The following MAGI2 variants were observed in gnomAD, a reference collection of about 807,000 sequenced individuals.
MAGI2 encodes membrane-associated guanylate kinase, WW and PDZ domain-containing protein 2.
A neutral mutation model predicts 133.3 loss-of-function variants in MAGI2; 35 were observed. The observed-to-expected ratio is 0.26, with a 90% CI of 0.20 to 0.35. The LOEUF (loss-of-function observed/expected upper bound fraction) is 0.35, where lower values mean the gene tolerates loss of function less well. Ranked by LOEUF, MAGI2 falls within the 10% of genes least tolerant of loss-of-function variation. The pLI is 1.00. For synonymous variants in MAGI2, 729 were observed against 710.6 expected, an observed-to-expected ratio of 1.03 and a Z score of -0.41; for missense variants, 1,636 against 1,863.4, an observed-to-expected ratio of 0.88 and a Z score of 2.25.
chr7:78,559,573 T>C (rs1405659260), intron 3 of MAGI2, among the ~76,000 whole-genome samples: 1 of 152,142 alleles, frequency 6.6e-6, no homozygotes, highest in African/African-American at 2.4e-5. Flanking sequence ...CCCATGCCGA[T>C]GCTCGTGAGT....
At chr7:78,793,415 T>C (rs1483067090) in intron 2 of MAGI2, among the ~76,000 whole-genome samples, 2 of 152,190 alleles carry the variant, frequency 1.3e-5, no homozygotes, top group African/African-American at 2.4e-5. Flanking sequence ...GCTAAACATC[T>C]GACAATACAC....
chr7:78,965,993 C>T (rs1350545444), intron 2 of MAGI2, among the ~76,000 whole-genome samples: 1 of 151,948 alleles, frequency 6.6e-6, no homozygotes, highest in Admixed American at 6.6e-5. Flanking sequence ...GGATATAAGG[C>T]CCAAGTTCCA....
rs183056336 is a variant in MAGI2, at chr7:78,301,989, G to A, written c.1408+41789C>T. On this transcript the variant is annotated intron_variant, in intron 9 of 21. Transcript: ENST00000354212. ...ATGAGGACTAAATGATCTAATGCACGTAGAGCCCTGAGCACAGGGTCTGGC... is the reference window on the plus strand; with the variant it reads ...ATGAGGACTAAATGATCTAATGCACATAGAGCCCTGAGCACAGGGTCTGGC... 7.7e-4 allele frequency among the ~76,000 whole-genome samples: 118 copies of A among 152,294 alleles called. 3 individuals carry two copies. The highest frequency in any genetic ancestry group is 7.3e-3 in the East Asian group (38 of 5,186).
At chr7:79,447,542 G>A (rs1416889652) in intron 1 of MAGI2, among the ~76,000 whole-genome samples, 1 of 151,878 alleles carries the variant, frequency 6.6e-6, no homozygotes, top group East Asian at 1.9e-4. Flanking sequence ...TAAAATTATG[G>A]GGAAGCTAGC....
chr7:79,399,341 A>AC (rs1845307956), intron 1 of MAGI2, among the ~76,000 whole-genome samples: 1 of 151,354 alleles, frequency 6.6e-6, no homozygotes, highest in South Asian at 2.1e-4. Flanking sequence ...AGATCTGCCC[A>AC]CCTCAGCCTC....
At chr7:78,141,709 C>T (rs967997876) in intron 16 of MAGI2, among the ~76,000 whole-genome samples, 2 of 152,084 alleles carry the variant, frequency 1.3e-5, no homozygotes, top group Non-Finnish European at 2.9e-5. Context: ...CGTTTTCCCC[C>T]CTCCCAGCAC....
At chr7:78,142,640 C>T (rs1822876682) in intron 16 of MAGI2, among the ~76,000 whole-genome samples, 2 of 152,316 alleles carry the variant, frequency 1.3e-5, no homozygotes, top group African/African-American at 4.8e-5. Flanking sequence ...CTGTAACCCT[C>T]TTTAAGTAGA....
intron 3 of MAGI2, among the ~76,000 whole-genome samples, chr7:78,599,394 C>T (rs1178509385): frequency 6.6e-6 from 1 of 152,036 alleles, no homozygotes; most frequent in Non-Finnish European, 1.5e-5. Context: ...TGACATAAGC[C>T]ATGTTTACTT....
intron 1 of MAGI2, among the ~76,000 whole-genome samples, chr7:79,434,229 C>T (rs1284318658): frequency 1.3e-5 from 2 of 152,016 alleles, no homozygotes; most frequent in Admixed American, 1.3e-4. Flanking sequence ...CATCCTGCCT[C>T]CATCATTAGT....
intron 1 of MAGI2, among the ~76,000 whole-genome samples, chr7:79,184,708 T>C (rs1826917368): frequency 6.6e-6 from 1 of 151,828 alleles, no homozygotes; most frequent in Admixed American, 6.6e-5. Flanking sequence ...AGGTTACTAA[T>C]ATTTGCAAAC....
At position 79,361,293 on chromosome 7, in the gene MAGI2, G is replaced by T. The variant is rs773293144; in HGVS notation, c.301+91727C>A. 3.9e-5 allele frequency among the ~76,000 whole-genome samples: 6 copies of T among 152,128 alleles called. No individual in the cohort carries two copies. The East Asian group carries it at 1.2e-3, about 29-fold the overall frequency. ...GGAACTTCAATACTGATACAGGAGT[G>T]CTGGGAAGGGAAGAGTGTGGTCCCT... On this transcript the variant is annotated intron_variant, in intron 1 of 21. Coordinates refer to ENST00000354212, the MANE Select transcript of MAGI2 (RefSeq NM_012301.4).
At chr7:79,332,305 C>G (rs1840142108) in intron 1 of MAGI2, among the ~76,000 whole-genome samples, 1 of 152,220 alleles carries the variant, frequency 6.6e-6, no homozygotes, top group Non-Finnish European at 1.5e-5. Flanking sequence ...CTACCACTTT[C>G]CCTCCCTAGT....
intron 2 of MAGI2, among the ~76,000 whole-genome samples, chr7:78,925,621 G>C (rs964413288): frequency 1.3e-5 from 2 of 152,052 alleles, no homozygotes; most frequent in East Asian, 3.9e-4. Flanking sequence ...GTGATGAGTG[G>C]TATCTCCACA....
chr7:78,941,780 CTT>C (rs1044973659), intron 2 of MAGI2, among the ~76,000 whole-genome samples: 1 of 130,670 alleles, frequency 7.7e-6, no homozygotes, highest in Non-Finnish European at 1.6e-5. Context: ...ACACACTTCT[CTT>C]TACTCATGCT....
chr7:78,800,042 C>T (rs1185141074), intron 2 of MAGI2, among the ~76,000 whole-genome samples: 1 of 151,982 alleles, frequency 6.6e-6, no homozygotes, highest in East Asian at 1.9e-4. Context: ...TAAACTTGCC[C>T]CTAGCAGCTC....
intron 21 of MAGI2, among the ~76,000 whole-genome samples, chr7:78,021,519 C>G (rs534105166): frequency 3.3e-5 from 5 of 152,266 alleles, no homozygotes; most frequent in African/African-American, 1.2e-4. Context: ...CTTGAGGGTT[C>G]TTATATAGTA....
At chr7:78,621,397 A>C (rs976986600) in intron 3 of MAGI2, 4 of 152,014 alleles carry the variant, frequency 2.6e-5, no homozygotes, top group African/African-American at 9.7e-5. Flanking sequence ...TAATCAATTT[A>C]TTAACAATAA....
intron 2 of MAGI2, among the ~76,000 whole-genome samples, chr7:78,660,783 T>C (rs745689338): frequency 1.3e-5 from 2 of 152,210 alleles, no homozygotes; most frequent in African/African-American, 4.8e-5. Flanking sequence ...CCCACTGTAA[T>C]TGTCTCTCTC....
At chr7:78,561,442 AAG>A (rs1193386782) in intron 3 of MAGI2, among the ~76,000 whole-genome samples, 6 of 152,228 alleles carry the variant, frequency 3.9e-5, no homozygotes, top group Admixed American at 3.3e-4. Context: ...TTCAGTCACA[AAG>A]AGAGTGATCA....
Sources: gnomAD v4.1 joint callset for allele counts (sites outside exome capture counted in the v4.1 genomes callset) on GRCh38, gnomAD v4.1.1 for gene constraint, MANE v1.5 for transcripts, NCBI Gene and HGNC (gene_info 2026-07-23, HGNC 2026-07-21) for gene names.